The following ANKRD11 variants were observed in gnomAD, a reference collection of about 807,000 sequenced individuals.
ANKRD11 encodes ankyrin repeat domain-containing protein 11.
In ANKRD11, 17 loss-of-function variants were observed where a neutral mutation model predicts 195.7. The observed-to-expected ratio is 0.09, with a 90% CI of 0.06 to 0.13. The LOEUF (loss-of-function observed/expected upper bound fraction) is 0.13. Ranked by LOEUF, ANKRD11 falls within the 10% of genes least tolerant of loss-of-function variation. ANKRD11 has a pLI of 1.00. For synonymous variants in ANKRD11, 1,953 were observed against 1,528.1 expected, an observed-to-expected ratio of 1.28 and a Z score of -6.49; for missense variants, 3,735 against 3,566.1, an observed-to-expected ratio of 1.05 and a Z score of -1.21.
rs1455582842 is a variant in ANKRD11, at chr16:89,279,959, C to T, written c.6583G>A (p.Ala2195Thr). 3.1e-6 allele frequency: 5 copies of T among 1,610,278 alleles called. No individual in the cohort carries two copies. The highest frequency in any genetic ancestry group is 1.1e-5 in the South Asian group (1 of 91,070). ...EEPPALPPDQASTRLPAELEP... is the reference protein window; with the variant it reads ...EEPPALPPDQTSTRLPAELEP... ...AGCTCTGCAGGGAGCCGGGTGGAGG[C>T]CTGGTCAGGAGGCAGTGCCGGCGGC... The change falls in exon 9 of 13, where the codon GCC (alanine) becomes ACC (threonine). Residue 2195 changes from alanine (A) to threonine (T), a missense_variant. By Grantham distance (58) the Ala-to-Thr change is moderately conservative. Coordinates refer to ENST00000301030, the MANE Select transcript of ANKRD11 (RefSeq NM_013275.6). The surrounding 1 kb of genome is among the most constrained non-coding windows in gnomAD (Gnocchi z 5.6).
intron 2 of ANKRD11, among the ~76,000 whole-genome samples, chr16:89,404,102 G>C (rs1349944720): frequency 6.6e-6 from 1 of 152,122 alleles, no homozygotes; most frequent in Non-Finnish European, 1.5e-5. Context: ...CTGCTAGCCC[G>C]GCACATGATT....
chr16:89,400,874 C>T (rs1597288406), intron 2 of ANKRD11, among the ~76,000 whole-genome samples: 1 of 152,134 alleles, frequency 6.6e-6, no homozygotes, highest in East Asian at 1.9e-4. Flanking sequence ...ACCAGCTGCA[C>T]ACACCTTGGA....
At chr16:89,440,106 C>G (rs2043381907) in intron 1 of ANKRD11, among the ~76,000 whole-genome samples, 1 of 152,180 alleles carries the variant, frequency 6.6e-6, no homozygotes, top group Admixed American at 6.5e-5. Context: ...AACCTCTAGC[C>G]CAGTGCTCAC....
At chr16:89,425,081 T>TA (rs1269718388) in intron 1 of ANKRD11, among the ~76,000 whole-genome samples, 2,767 of 131,926 alleles carry the variant, frequency 0.021, 45 homozygotes, top group African/African-American at 0.047. Context: ...TCAAACTATT[T>TA]AAAAAAAAAA....
intron 2 of ANKRD11, among the ~76,000 whole-genome samples, chr16:89,367,974 A>G (rs2040020863): frequency 6.6e-6 from 1 of 152,170 alleles, no homozygotes; most frequent in African/African-American, 2.4e-5. Flanking sequence ...ACTGCACTCC[A>G]GTGTGGGTGA....
At chr16:89,303,549 G>A (rs569783076) in intron 4 of ANKRD11, among the ~76,000 whole-genome samples, 2 of 152,304 alleles carry the variant, frequency 1.3e-5, no homozygotes, top group South Asian at 4.1e-4. Context: ...GGCCTGTGCT[G>A]GTGTCCCTGC....
intron 1 of ANKRD11, among the ~76,000 whole-genome samples, chr16:89,460,586 T>A (rs901166190): frequency 6.6e-6 from 1 of 151,946 alleles, no homozygotes; most frequent in Non-Finnish European, 1.5e-5. Context: ...AAAATTAAAT[T>A]TGACACTGGG....
intron 7 of ANKRD11, chr16:89,287,349 A>G (rs570348104): frequency 2.7e-5 from 8 of 298,160 alleles, no homozygotes; most frequent in African/African-American, 1.7e-4. Flanking sequence ...CAATCTCCCC[A>G]TGTGAGGCAC....
At chr16:89,474,987 C>G (rs565145821) in intron 1 of ANKRD11, among the ~76,000 whole-genome samples, 1 of 152,342 alleles carries the variant, frequency 6.6e-6, no homozygotes, top group East Asian at 1.9e-4. Flanking sequence ...CAGGGCCACC[C>G]CTGCCCTCTC....
chr16:89,417,368 A>C (rs1444349778), intron 2 of ANKRD11, among the ~76,000 whole-genome samples: 1 of 152,248 alleles, frequency 6.6e-6, no homozygotes, highest in Non-Finnish European at 1.5e-5. Flanking sequence ...AATTTAGCCA[A>C]GTTTTCTCTT....
At chr16:89,386,377 C>T (rs143771566) in intron 2 of ANKRD11, among the ~76,000 whole-genome samples, 107 of 152,212 alleles carry the variant, frequency 7.0e-4, no homozygotes, top group African/African-American at 2.5e-3. Flanking sequence ...GTCCAGGGAC[C>T]GTCCACACTG....
intron 4 of ANKRD11, chr16:89,300,062 C>T (rs2035746453): frequency 5.1e-6 from 1 of 198,012 alleles, no homozygotes. Flanking sequence ...GGTGCCTGCC[C>T]TGTGTGGGGT....
At position 89,472,200 on chromosome 16, in the gene ANKRD11, CG is replaced by C. The variant is rs141091874; in HGVS notation, c.-145+18044del. On this transcript the variant is annotated intron_variant, in intron 1 of 12. Coordinates refer to ENST00000301030, the MANE Select transcript of ANKRD11 (RefSeq NM_013275.6). ...CTGTCAACACTGCCCAATAAACACT[CG>C]CAGGACACAGCTAAGGAAGACAGAA... Among the ~76,000 whole-genome samples, 875 of 152,260 alleles carry C rather than the reference CG, an allele frequency of 5.7e-3. 4 individuals carry two copies. Among genetic ancestry groups the C allele is most frequent in the Middle Eastern group, 0.02 (6 of 294 alleles).
intron 1 of ANKRD11, among the ~76,000 whole-genome samples, chr16:89,436,027 G>C (rs142331145): frequency 1.2e-4 from 19 of 152,234 alleles, no homozygotes; most frequent in Non-Finnish European, 2.5e-4. Context: ...GTTTTGCAGG[G>C]TCACACATTC....
intron 2 of ANKRD11, among the ~76,000 whole-genome samples, chr16:89,353,628 C>T (rs1273039568): frequency 1.3e-5 from 2 of 152,086 alleles, no homozygotes; most frequent in African/African-American, 2.4e-5. Flanking sequence ...CAGGCATGCA[C>T]AACCACGCTT....
chr16:89,444,394 G>A (rs1008428320), intron 1 of ANKRD11, among the ~76,000 whole-genome samples: 9 of 152,064 alleles, frequency 5.9e-5, no homozygotes, highest in Middle Eastern at 6.8e-3. Context: ...AAGAGCAGGT[G>A]CGTACTAAAC....
At chr16:89,306,240 C>CACCT (rs1440337052) in intron 3 of ANKRD11, among the ~76,000 whole-genome samples, 55 of 73,784 alleles carry the variant, frequency 7.5e-4, no homozygotes, top group East Asian at 9.8e-4. Flanking sequence ...AGACACGCGC[C>CACCT]ACCTCCCACT....
chr16:89,366,205 C>A (rs1362880322), intron 2 of ANKRD11, among the ~76,000 whole-genome samples: 3 of 151,700 alleles, frequency 2.0e-5, no homozygotes, highest in Admixed American at 6.6e-5. Context: ...TGTATATGCA[C>A]CACATTTTCT....
At chr16:89,301,519 G>A in intron 4 of ANKRD11, 1 of 398,952 alleles carries the variant, frequency 2.5e-6, no homozygotes, top group Non-Finnish European at 4.4e-6. Context: ...GCTGGTCTGA[G>A]AGGGCTCGGT....
Sources: gnomAD v4.1 joint callset for allele counts (sites outside exome capture counted in the v4.1 genomes callset) on GRCh38, gnomAD v4.1.1 for gene constraint, Gnocchi (gnomAD v3.1) non-coding constraint, MANE v1.5 for transcripts, NCBI Gene and HGNC (gene_info 2026-07-23, HGNC 2026-07-21) for gene names.